NUP205: variants seen among roughly 807,000 people sequenced by gnomAD.
NUP205 encodes nucleoporin 205, also known as nuclear pore complex protein Nup205.
Under a neutral mutation model 253.8 loss-of-function variants are expected in NUP205, and 76 were observed. The observed-to-expected ratio is 0.30, with a 90% CI of 0.25 to 0.36. The LOEUF is 0.36. NUP205 is among the 10% of genes least tolerant of loss of function. The pLI is 1.00. For synonymous variants in NUP205, 832 were observed against 850.1 expected (o/e 0.98, Z 0.37); for missense variants, 2,162 against 2,425.5 (o/e 0.89, Z 2.28).
At chr7:135,563,024 A>G (rs1173868818) in intron 1 of NUP205, among the ~76,000 whole-genome samples, 1 of 152,106 alleles carries the variant, frequency 6.6e-6, no homozygotes, top group Non-Finnish European at 1.5e-5. Flanking sequence ...CTGTCAGTTA[A>G]CTATCACTTT....
chr7:135,579,723 G>A (rs1280274104), intron 7 of NUP205, among the ~76,000 whole-genome samples: 2 of 151,980 alleles, frequency 1.3e-5, no homozygotes, highest in African/African-American at 4.8e-5. Flanking sequence ...CCGGCTCACT[G>A]CAACCTCCAC....
chr7:135,569,773 A>C (rs1805892372), intron 1 of NUP205, among the ~76,000 whole-genome samples: 1 of 151,998 alleles, frequency 6.6e-6, no homozygotes, highest in African/African-American at 2.4e-5. Flanking sequence ...ATGAGTTTAT[A>C]AAAGTATTCT....
At chr7:135,616,819 C>T (rs1794371121) in intron 25 of NUP205, 93 bp downstream of exon 25, 4 of 745,270 alleles carry the variant, frequency 5.4e-6, no homozygotes, top group Non-Finnish European at 8.0e-6. Flanking sequence ...TGCCTCCAAA[C>T]TCTGAACTGG....
Position 135,587,646 on chromosome 7 carries a change from A to C in NUP205, c.1290A>C (p.Glu430Asp). 6.2e-7 allele frequency: 1 copy of C among 1,610,864 alleles called. No homozygotes were observed. Among genetic ancestry groups the C allele is most frequent in the Non-Finnish European group, 8.5e-7 (1 of 1,178,510 alleles). Residue 430 changes from glutamate to aspartate, a missense_variant, in exon 9 of 43, where the codon GAA becomes GAC. Physicochemically the swap from Glu to Asp is conservative, Grantham distance 45. Coordinates refer to ENST00000285968, the MANE Select transcript of NUP205 (RefSeq NM_015135.3). ...MIHMSMQMGNEPPISLRRDLE... is the reference protein window; with the variant it reads ...MIHMSMQMGNDPPISLRRDLE... ...ACATGAGTATGCAGATGGGTAATGA[A>C]CCCCCCATTTCACTTAGAAGGGACC... is the stretch of plus-strand genomic sequence containing the variant.
chr7:135,558,095 A>G, intron 1 of NUP205, 123 bp downstream of exon 1: 1 of 841,272 alleles, frequency 1.2e-6, no homozygotes, highest in Non-Finnish European at 2.1e-6. Flanking sequence ...GCTTTTCCCT[A>G]ATTCTGGGCC....
At chr7:135,572,967 C>G (rs369048935) in intron 2 of NUP205, among the ~76,000 whole-genome samples, 2 of 81,080 alleles carry the variant, frequency 2.5e-5, no homozygotes, top group Admixed American at 1.3e-4. Flanking sequence ...CTTTTTTTTT[C>G]TTTTTTTTTG....
chr7:135,570,048 TATATAGAG>T (rs1184333700), intron 1 of NUP205, among the ~76,000 whole-genome samples: 1,349 of 99,528 alleles, frequency 0.014, 6 homozygotes, highest in Middle Eastern at 0.036. Context: ...TATATATATA[TATATAGAG>T]AGAGAGAGAG....
rs374909398 is a variant in NUP205 at position 135,593,086 on chromosome 7, G to A, written c.1724G>A (p.Ser575Asn). 1.2e-6 allele frequency: 2 copies of A among 1,613,940 alleles called. No homozygotes were observed. The highest frequency in any genetic ancestry group is 1.1e-5 in the South Asian group (1 of 91,070). Residue 575 changes from serine to asparagine, a missense_variant, in exon 12 of 43, where the codon AGT becomes AAT. Ser to Asn is a conservative substitution (Grantham distance 46, BLOSUM62 1). This residue lies in a region of NUP205 where 892 missense variants were observed against 957.1 expected (regional missense o/e 0.93). Transcript: ENST00000285968. ...GAACACCTTCGGAAGGATCTTCCAA[G>A]TGCAGATAGTGTCCAGTACCGTCAC... The part of the protein sequence containing the change: ...YHEHLRKDLP[S>N]ADSVQYRHLP...
chr7:135,585,129 C>T, intron 8 of NUP205, 122 bp downstream of exon 8: 1 of 727,884 alleles, frequency 1.4e-6, no homozygotes, highest in Non-Finnish European at 2.2e-6. Context: ...TAAAATTTGC[C>T]AGTAGCTGTA....
chr7:135,558,774 T>G (rs938359854), intron 1 of NUP205, among the ~76,000 whole-genome samples: 3 of 152,160 alleles, frequency 2.0e-5, no homozygotes, highest in Admixed American at 2.0e-4. Flanking sequence ...GAAAAATAAT[T>G]TGGTGCCTAG....
At chr7:135,577,736 G>T in intron 5 of NUP205, 60 bp from the exon 6 acceptor site, 1 of 1,275,402 alleles carries the variant, frequency 7.8e-7, no homozygotes, top group Non-Finnish European at 1.1e-6. Flanking sequence ...TTTGTACTTT[G>T]GAATAAGACC....
At chr7:135,561,609 T>C (rs138860978) in intron 1 of NUP205, among the ~76,000 whole-genome samples, 19 of 152,274 alleles carry the variant, frequency 1.2e-4, no homozygotes, top group African/African-American at 3.6e-4. Context: ...ACAGAGAAAA[T>C]AGGAGCCAAC....
chr7:135,624,542 AT>A (rs967424509), intron 31 of NUP205, among the ~76,000 whole-genome samples: 1 of 151,576 alleles, frequency 6.6e-6, no homozygotes, highest in Admixed American at 6.6e-5. Context: ...CGCCCAGCTA[AT>A]TTTTTTTGTA....
At chr7:135,567,930 A>C (rs1043527884) in intron 1 of NUP205, among the ~76,000 whole-genome samples, 11 of 152,274 alleles carry the variant, frequency 7.2e-5, no homozygotes, top group Admixed American at 7.2e-4. Context: ...TGAGTCTAAA[A>C]TCAGTTTAGT....
At chr7:135,571,597 G>T (rs562940188) in intron 2 of NUP205, among the ~76,000 whole-genome samples, 1 of 152,116 alleles carries the variant, frequency 6.6e-6, no homozygotes, top group East Asian at 1.9e-4. Flanking sequence ...CATAAAGGAT[G>T]TATATATTTA....
intron 7 of NUP205, among the ~76,000 whole-genome samples, chr7:135,583,428 G>T (rs1806365059): frequency 6.6e-6 from 1 of 152,074 alleles, no homozygotes; most frequent in Non-Finnish European, 1.5e-5. Context: ...AGTTACTCTA[G>T]ATCAAGCCAC....
At chr7:135,604,317 C>G in intron 18 of NUP205, 23 bp from the exon 19 acceptor site, 1 of 1,576,428 alleles carries the variant, frequency 6.3e-7, no homozygotes, top group Non-Finnish European at 8.6e-7. Context: ...CACTGTTCCT[C>G]AAATGTTTTC....
At chr7:135,576,868 C>T in intron 4 of NUP205, 101 bp from the exon 5 acceptor site, 1 of 1,110,802 alleles carries the variant, frequency 9.0e-7, no homozygotes, top group Non-Finnish European at 1.3e-6. Flanking sequence ...GGTGACAGAG[C>T]AAGGCCCTGT....
intron 7 of NUP205, among the ~76,000 whole-genome samples, chr7:135,579,761 T>C (rs1316479032): frequency 6.6e-6 from 1 of 152,012 alleles, no homozygotes; most frequent in African/African-American, 2.4e-5. Context: ...TTCTCCTGCC[T>C]CAGCTTCTTA....
Sources: allele counts gnomAD v4.1 joint callset (sites outside exome capture counted in the v4.1 genomes callset), GRCh38; gene constraint gnomAD v4.1.1; regional missense constraint gnomAD v4.1.1; transcripts MANE v1.5; gene names NCBI Gene and HGNC (gene_info 2026-07-23, HGNC 2026-07-21).